The following BPGM variants were observed in gnomAD, a reference collection of about 807,000 sequenced individuals.
BPGM encodes the protein bisphosphoglycerate mutase.
A neutral mutation model predicts 21.6 loss-of-function variants in BPGM; 15 were observed. The ratio of observed to expected loss-of-function variants is 0.70; its 90% confidence interval spans 0.47 to 1.07. The LOEUF (loss-of-function observed/expected upper bound fraction) is 1.07, where lower values mean the gene tolerates loss of function less well. Among genes scored for constraint, BPGM ranks in the 50% least tolerant of loss-of-function variants. The pLI is 0.00. For synonymous variants in BPGM, 113 were observed against 116.2 expected, an observed-to-expected ratio of 0.97 and a Z score of 0.18; for missense variants, 273 against 319.0, an observed-to-expected ratio of 0.86 and a Z score of 1.10.
chr7:134,665,139 G>A (rs1384005732), intron 2 of BPGM, among the ~76,000 whole-genome samples: 1 of 152,126 alleles, frequency 6.6e-6, no homozygotes, highest in Non-Finnish European at 1.5e-5. Flanking sequence ...GAATTGAAAG[G>A]TTAAAGGATT....
At chr7:134,654,777 A>T (rs2131419122) in intron 1 of BPGM, among the ~76,000 whole-genome samples, 1 of 152,290 alleles carries the variant, frequency 6.6e-6, no homozygotes, top group East Asian at 1.9e-4. Context: ...TCATGAGAGA[A>T]GATGATCTCC....
intron 1 of BPGM, among the ~76,000 whole-genome samples, chr7:134,653,314 G>A (rs1795584978): frequency 6.6e-6 from 1 of 152,158 alleles, no homozygotes; most frequent in African/African-American, 2.4e-5. Context: ...TCTGAGCTAA[G>A]CTATAGTGTC....
At chr7:134,664,008 A>T (rs1467246573) in intron 2 of BPGM, among the ~76,000 whole-genome samples, 1 of 152,234 alleles carries the variant, frequency 6.6e-6, no homozygotes, top group East Asian at 1.9e-4. Context: ...GTGTTTAGAC[A>T]TAGCAAAACT....
intron 2 of BPGM, among the ~76,000 whole-genome samples, chr7:134,666,668 G>C (rs149217177): frequency 6.6e-6 from 1 of 152,164 alleles, no homozygotes; most frequent in African/African-American, 2.4e-5. Context: ...AGATGTTGCT[G>C]TAGTTCTCTA....
intron 2 of BPGM, among the ~76,000 whole-genome samples, chr7:134,663,112 G>A (rs1032504573): frequency 3.9e-5 from 6 of 152,094 alleles, no homozygotes; most frequent in Non-Finnish European, 7.3e-5. Flanking sequence ...TCCACCATTC[G>A]TTTTCATTCT....
intron 2 of BPGM, among the ~76,000 whole-genome samples, chr7:134,669,059 GA>G (rs1377622116): frequency 6.6e-6 from 1 of 151,970 alleles, no homozygotes; most frequent in Non-Finnish European, 1.5e-5. Context: ...AATTATACCT[GA>G]AAAAAGACTT....
chr7:134,647,812 G>T (rs1048693757), intron 1 of BPGM, among the ~76,000 whole-genome samples: 4 of 151,986 alleles, frequency 2.6e-5, no homozygotes, highest in African/African-American at 9.6e-5. Flanking sequence ...TATTTTTTTT[G>T]AAACGGAGTC....
chr7:134,660,483 C>G (rs372885807), intron 1 of BPGM: 1 of 152,474 alleles, frequency 6.6e-6, no homozygotes, highest in Non-Finnish European at 1.5e-5. Context: ...ATGGAGTGGG[C>G]CCAGCAGATC....
At chr7:134,670,144 C>G (rs949649710) in intron 2 of BPGM, among the ~76,000 whole-genome samples, 2 of 152,184 alleles carry the variant, frequency 1.3e-5, no homozygotes, top group Non-Finnish European at 2.9e-5. Context: ...TGGGTTTAAG[C>G]ACAGGACGAG....
Position 134,679,117 on chromosome 7 carries a change from C to A in BPGM, c.*86C>A. On this transcript the variant is annotated 3_prime_UTR_variant, in exon 3 of 3. Coordinates refer to ENST00000344924, the MANE Select transcript of BPGM (RefSeq NM_001724.5). ...GTGCTGAACTCTCTCTCTTTTTCCC[C>A]GATTTTCCAGAGCTAGGCTGTGGAG... 1 of 1,470,992 alleles carries A rather than the reference C, an allele frequency of 6.8e-7. No homozygotes were observed. The highest frequency in any genetic ancestry group is 9.4e-7 in the Non-Finnish European group (1 of 1,069,450). The allele number at this position is 1,470,992 out of a possible 1,614,324, so 91.1% of individuals were successfully genotyped here.
At chr7:134,675,177 T>C (rs1402012208) in intron 2 of BPGM, among the ~76,000 whole-genome samples, 2 of 152,192 alleles carry the variant, frequency 1.3e-5, no homozygotes, top group Non-Finnish European at 2.9e-5. Context: ...ATATATGATA[T>C]ACAAATTTTT....
intron 1 of BPGM, among the ~76,000 whole-genome samples, chr7:134,650,463 T>C (rs1585850328): frequency 6.6e-6 from 1 of 152,236 alleles, no homozygotes; most frequent in Admixed American, 6.5e-5. Flanking sequence ...CTGTAAGTGG[T>C]AACATTTGCT....
intron 2 of BPGM, among the ~76,000 whole-genome samples, chr7:134,673,627 G>A (rs1202894871): frequency 6.6e-6 from 1 of 152,190 alleles, no homozygotes; most frequent in African/African-American, 2.4e-5. Flanking sequence ...TGTGTTAGCT[G>A]GGGATCAGAC....
chr7:134,648,148 G>GTTGTT (rs1562965554), intron 1 of BPGM, among the ~76,000 whole-genome samples: 2 of 144,422 alleles, frequency 1.4e-5, no homozygotes, highest in South Asian at 2.2e-4. Flanking sequence ...TTTTTGTTTT[G>GTTGTT]TTTTCAGACG....
chr7:134,660,497 A>G, intron 1 of BPGM: 1 of 152,552 alleles, frequency 6.6e-6, no homozygotes, highest in Non-Finnish European at 1.5e-5. Flanking sequence ...GCAGATCTTC[A>G]GGCCAGCAGC....
chr7:134,664,774 G>C (rs930654709), intron 2 of BPGM, among the ~76,000 whole-genome samples: 3 of 152,236 alleles, frequency 2.0e-5, no homozygotes, highest in Non-Finnish European at 4.4e-5. Flanking sequence ...GGAAGGTGAT[G>C]CTGATACATG....
chr7:134,668,297 C>A (rs978495216), intron 2 of BPGM, among the ~76,000 whole-genome samples: 2 of 152,166 alleles, frequency 1.3e-5, no homozygotes, highest in Non-Finnish European at 1.5e-5. Context: ...TTCACTGAGG[C>A]TCCACACACA....
Position 134,679,308 on chromosome 7 carries a change from T to C in BPGM, c.*277T>C, listed in dbSNP as rs997863172. 4.5e-6 allele frequency: 2 copies of C among 445,864 alleles called. No homozygotes were observed. The highest frequency in any genetic ancestry group is 3.9e-5 in the African/African-American group (2 of 50,888). The allele number at this position is 445,864 out of a possible 1,614,324, so 27.6% of individuals were successfully genotyped here. A position where few individuals can be genotyped will look rare whatever the true frequency, so the allele number is the denominator to read the frequency against. On this transcript the variant is annotated 3_prime_UTR_variant, in exon 3 of 3. Transcript: ENST00000344924. ...TAATGAAGGTCATAAGTTTCTGAGA[T>C]GGGAGAGCAACAAGTAGAGATGAAG...
chr7:134,653,612 T>C (rs1188340261), intron 1 of BPGM, among the ~76,000 whole-genome samples: 1 of 152,212 alleles, frequency 6.6e-6, no homozygotes, highest in Non-Finnish European at 1.5e-5. Flanking sequence ...GCTTCCTTAT[T>C]ATACCCTATA....
Sources: allele counts gnomAD v4.1 joint callset (sites outside exome capture counted in the v4.1 genomes callset), GRCh38; gene constraint gnomAD v4.1.1; transcripts MANE v1.5; gene names NCBI Gene and HGNC (gene_info 2026-07-23, HGNC 2026-07-21).